GC: variants seen among roughly 807,000 people sequenced by gnomAD.
GC encodes the protein GC vitamin D binding protein.
GC carries 43 observed loss-of-function variants against 56.7 expected under a neutral mutation model. The ratio of observed to expected loss-of-function variants is 0.76; its 90% confidence interval spans 0.59 to 0.98. The LOEUF is 0.98. Among genes scored for constraint, GC ranks in the 50% least tolerant of loss-of-function variants. The pLI is 0.00. For missense variants in GC, 529 were observed against 545.9 expected, an observed-to-expected ratio of 0.97 and a Z score of 0.31; for synonymous variants, 216 against 202.7, an observed-to-expected ratio of 1.07 and a Z score of -0.56.
chr4:71,775,758 A>T (rs965969904), intron 1 of GC, among the ~76,000 whole-genome samples: 1 of 152,080 alleles, frequency 6.6e-6, no homozygotes, highest in African/African-American at 2.4e-5. Flanking sequence ...CACATATCTG[A>T]TAACAGGTTA....
At chr4:71,784,174 C>A, upstream of GC, 1 of 1,325,104 alleles carries the variant, frequency 7.5e-7, no homozygotes, top group Non-Finnish European at 9.7e-7. Flanking sequence ...TTATTAAACA[C>A]AGAAGCAAGG....
chr4:71,786,455 C>A (rs1742840033), upstream of GC, among the ~76,000 whole-genome samples: 3 of 151,870 alleles, frequency 2.0e-5, no homozygotes, highest in South Asian at 6.2e-4. Context: ...GCAGTTATAG[C>A]AACTAGAAAT....
At chr4:71,779,096 A>G (rs1037424804) in intron 1 of GC, among the ~76,000 whole-genome samples, 2 of 151,736 alleles carry the variant, frequency 1.3e-5, no homozygotes, top group Non-Finnish European at 2.9e-5. Context: ...CCTGAGTCTG[A>G]TGGTAGACAT....
At chr4:71,741,974 T>C in intron 12 of GC, 104 bp from the exon 13 acceptor site, 1 of 692,146 alleles carries the variant, frequency 1.4e-6, no homozygotes, top group South Asian at 1.5e-5. Context: ...TATTTTAATA[T>C]TTATGCCAAA....
In GC at chr4:71,756,707, C is replaced by A; in HGVS notation, c.1034+5G>T. On this transcript the variant is annotated splice_donor_5th_base_variant and intron_variant, in intron 8 of 12. Transcript: ENST00000273951. ...GGAAAACGTTTTCACATCACCTCTA[C>A]TTACTTATCCATGACTTTGGTGTTT... 1 of 1,600,674 alleles carries A rather than the reference C, an allele frequency of 6.2e-7. No homozygotes were observed. Among genetic ancestry groups the A allele is most frequent in the Non-Finnish European group, 8.6e-7 (1 of 1,167,880 alleles).
chr4:71,758,201 T>C, intron 6 of GC, 30 bp from the exon 7 acceptor site: 1 of 1,592,284 alleles, frequency 6.3e-7, no homozygotes, highest in Non-Finnish European at 8.6e-7. Flanking sequence ...TATGTTAGCT[T>C]ATCAACATTC....
At chr4:71,797,023 A>G (rs1560715934) in intron 1 of GC, among the ~76,000 whole-genome samples, 1 of 152,192 alleles carries the variant, frequency 6.6e-6, no homozygotes, top group Non-Finnish European at 1.5e-5. Flanking sequence ...ATATTGCAGA[A>G]CAGCAAATAT....
chr4:71,743,866 G>A (rs1309925072), intron 12 of GC, among the ~76,000 whole-genome samples: 2 of 152,260 alleles, frequency 1.3e-5, no homozygotes, highest in Admixed American at 1.3e-4. Context: ...CCATGGAAGG[G>A]ATATGTGAAT....
In GC at chr4:71,770,147, G is replaced by A. The variant is rs112435383; in HGVS notation, c.59-747C>T. Among the ~76,000 whole-genome samples, 19 of 152,300 alleles carry A rather than the reference G, an allele frequency of 1.2e-4. 2 individuals are homozygous for A. Among genetic ancestry groups the A allele is most frequent in the African/African-American group, 4.6e-4 (19 of 41,560 alleles). On this transcript the variant is annotated intron_variant, in intron 1 of 12. Coordinates refer to ENST00000273951, the MANE Select transcript of GC (RefSeq NM_000583.4). The stretch of plus-strand genomic sequence containing the variant: ...TTGGAATTTGGGGTGTAATGGACAG[G>A]TGTCTGATTCAGGCTGGAGAAATCT...
intron 12 of GC, among the ~76,000 whole-genome samples, chr4:71,742,715 C>G (rs996913127): frequency 6.6e-6 from 1 of 152,212 alleles, no homozygotes; most frequent in Admixed American, 6.5e-5. Context: ...TGGCTCACGC[C>G]TGTAATCCCA....
chr4:71,771,997 G>A (rs1471263511), intron 1 of GC, among the ~76,000 whole-genome samples: 1 of 152,126 alleles, frequency 6.6e-6, no homozygotes, highest in East Asian at 1.9e-4. Context: ...TATTCCAACT[G>A]TGTCTATTTT....
Position 71,791,907 on chromosome 4 carries a change from C to T in GC, c.22-7853G>A, listed in dbSNP as rs111783297. ...TTCAATTCCCACCTATGAATGAGAA[C>T]ATGCGGTGTTTGCTTTTCTGTCCTT... On this transcript the variant is annotated intron_variant, in intron 1 of 13. Transcript: ENST00000504199. Among the ~76,000 whole-genome samples the T allele has an allele frequency of 2.4e-4, 36 of 152,264 alleles. 2 individuals are homozygous for T. The highest frequency in any genetic ancestry group is 6.7e-4 in the African/African-American group (28 of 41,546).
upstream of GC, among the ~76,000 whole-genome samples, chr4:71,786,499 T>C: frequency 6.6e-6 from 1 of 151,858 alleles, no homozygotes; most frequent in East Asian, 1.9e-4. Context: ...ACAAGAATTA[T>C]TTATTGAATA....
intron 1 of GC, among the ~76,000 whole-genome samples, 195 bp downstream of exon 1, chr4:71,783,766 A>AT (rs944725343): frequency 6.6e-6 from 1 of 151,546 alleles, no homozygotes; most frequent in East Asian, 2.0e-4. Flanking sequence ...TCTTGTGTTG[A>AT]TTTTTTTTGT....
intron 11 of GC, among the ~76,000 whole-genome samples, chr4:71,746,761 C>T (rs912347283): frequency 9.1e-6 from 1 of 109,796 alleles, no homozygotes; most frequent in Non-Finnish European, 1.7e-5. Flanking sequence ...GTCCAAAATA[C>T]CTCTATTTTG....
intron 6 of GC, among the ~76,000 whole-genome samples, chr4:71,759,090 T>C (rs1334324873): frequency 6.6e-6 from 1 of 152,216 alleles, no homozygotes; most frequent in East Asian, 1.9e-4. Flanking sequence ...GTCCTCAAGG[T>C]TCATCCTTGT....
At position 71,751,627 on chromosome 4, in the gene GC, A is replaced by G. The variant is rs188946505; in HGVS notation, c.1395+891T>C. Among the ~76,000 whole-genome samples, 22 of 152,162 alleles carry G rather than the reference A, an allele frequency of 1.4e-4. No individual in the cohort carries two copies. The East Asian group carries it at 4.2e-3, about 29-fold the overall frequency. ...TAGGGGAAGGGGTTATTTTACTGTTAACAATATTGGACCTGAACCAGGAAG... is the reference window on the plus strand; with the variant it reads ...TAGGGGAAGGGGTTATTTTACTGTTGACAATATTGGACCTGAACCAGGAAG... On this transcript the variant is annotated intron_variant, in intron 11 of 12. Coordinates refer to ENST00000273951, the MANE Select transcript of GC (RefSeq NM_000583.4).
intron 11 of GC, among the ~76,000 whole-genome samples, chr4:71,750,941 A>C (rs373629014): frequency 6.6e-6 from 1 of 152,162 alleles, no homozygotes. Flanking sequence ...TCTAATTGGC[A>C]TGAAATCATT....
rs761960440 is a variant in GC, at chr4:71,755,083, CCTT to C, written c.1056_1058del (p.Arg353del). 6 of 1,587,106 alleles carry C rather than the reference CCTT, an allele frequency of 3.8e-6. No homozygotes were observed. Among genetic ancestry groups the C allele is most frequent in the South Asian group, 1.1e-5 (1 of 88,296 alleles). On this transcript the variant is annotated inframe_deletion, in exon 9 of 13. Coordinates refer to ENST00000273951, the MANE Select transcript of GC (RefSeq NM_000583.4). ...TGAGGAATACTTCCGGAAGATGAGT[CCTT>C]CTGCTTAGTTCAAATGTATACCTAG...
Sources: allele counts gnomAD v4.1 joint callset (sites outside exome capture counted in the v4.1 genomes callset), GRCh38; gene constraint gnomAD v4.1.1; transcripts MANE v1.5; gene names NCBI Gene and HGNC (gene_info 2026-07-23, HGNC 2026-07-21).